Variants in TUSC3 observed in about 807,000 individuals in gnomAD.
TUSC3 encodes tumor suppressor candidate 3.
TUSC3 carries 45 observed loss-of-function variants against 44.8 expected under a neutral mutation model. That is an observed-to-expected ratio of 1.00 (90% CI 0.79 to 1.29). The LOEUF (loss-of-function observed/expected upper bound fraction) is 1.29, where lower values mean the gene tolerates loss of function less well. Among genes scored for constraint, TUSC3 ranks in the 50% most tolerant of loss-of-function variants. The probability of loss-of-function intolerance (pLI) is 0.00; values close to 1 mark genes in which losing one functional copy is unlikely to be tolerated. For synonymous variants in TUSC3, 212 were observed against 152.9 expected, an observed-to-expected ratio of 1.39 and a Z score of -2.85; for missense variants, 519 against 437.9, an observed-to-expected ratio of 1.19 and a Z score of -1.65.
At chr8:15,833,600 T>C in the TUSC3 span, among the ~76,000 whole-genome samples, 2 of 151,982 alleles carry the variant, frequency 1.3e-5, no homozygotes, top group Non-Finnish European at 2.9e-5. Context: ...GAAAACCAAA[T>C]ACCACACAGT....
intron 6 of TUSC3, among the ~76,000 whole-genome samples, chr8:15,690,163 A>G (rs997356484): frequency 6.6e-5 from 10 of 152,136 alleles, no homozygotes; most frequent in South Asian, 4.1e-4. Flanking sequence ...CTCTTCCACA[A>G]TCTCGCCAAA....
the TUSC3 span, among the ~76,000 whole-genome samples, chr8:15,814,797 C>T: frequency 2.6e-5 from 4 of 152,086 alleles, no homozygotes; most frequent in Admixed American, 2.0e-4. Context: ...ACCTACTGCA[C>T]AAAAATATTC....
intron 1 of TUSC3, among the ~76,000 whole-genome samples, chr8:15,612,362 A>T (rs1032166909): frequency 7.2e-5 from 11 of 152,204 alleles, no homozygotes; most frequent in Non-Finnish European, 1.0e-4. Context: ...AACAAGAAAG[A>T]GTAAAAAATA....
At chr8:15,571,099 G>T (rs184254958) in intron 1 of TUSC3, among the ~76,000 whole-genome samples, 1 of 151,338 alleles carries the variant, frequency 6.6e-6, no homozygotes, top group African/African-American at 2.4e-5. Context: ...GATTATAGGT[G>T]CCTGCCACCA....
At chr8:15,743,512 T>C (rs779558038) in intron 7 of TUSC3, 26 bp from the exon 8 acceptor site, 2 of 1,612,388 alleles carry the variant, frequency 1.2e-6, no homozygotes, top group South Asian at 2.2e-5. Context: ...CATCTATGTC[T>C]ACGGCTTCCT....
At chr8:15,739,073 C>T (rs559844610) in intron 7 of TUSC3, among the ~76,000 whole-genome samples, 5 of 151,800 alleles carry the variant, frequency 3.3e-5, no homozygotes, top group Non-Finnish European at 5.9e-5. Context: ...CCTTGTGATC[C>T]GCCTGCCTCA....
At chr8:15,797,464 C>G in the TUSC3 span, among the ~76,000 whole-genome samples, 1 of 152,134 alleles carries the variant, frequency 6.6e-6, no homozygotes, top group Non-Finnish European at 1.5e-5. Flanking sequence ...ACTTGGCAAG[C>G]AGTTCTTTTG....
chr8:15,448,117 A>ATATATATATATATATATATTTATT (rs1276079521), intron 1 of TUSC3, among the ~76,000 whole-genome samples: 1,275 of 93,738 alleles, frequency 0.014, 43 homozygotes, highest in South Asian at 0.042. Flanking sequence ...ACATATATAT[A>ATATATATATATATATATATTTATT]TATTTATTTA....
At chr8:15,744,538 C>T (rs897683802) in intron 8 of TUSC3, among the ~76,000 whole-genome samples, 19 of 151,840 alleles carry the variant, frequency 1.3e-4, no homozygotes, top group Non-Finnish European at 2.4e-4. Context: ...AATAAAAATC[C>T]AGACTTCATG....
At chr8:15,813,396 A>C in the TUSC3 span, among the ~76,000 whole-genome samples, 9 of 151,464 alleles carry the variant, frequency 5.9e-5, no homozygotes, top group Non-Finnish European at 1.2e-4. Context: ...AAACAAAAAA[A>C]AAAACAGGCA....
chr8:15,647,285 G>C (rs1806675081), intron 2 of TUSC3, among the ~76,000 whole-genome samples: 1 of 152,036 alleles, frequency 6.6e-6, no homozygotes, highest in Non-Finnish European at 1.5e-5. Flanking sequence ...GATAACCCCT[G>C]ACCCGCTCAA....
At chr8:15,638,969 C>T (rs573864400) in intron 2 of TUSC3, among the ~76,000 whole-genome samples, 10 of 126,292 alleles carry the variant, frequency 7.9e-5, no homozygotes, top group African/African-American at 1.2e-4. Context: ...GATCATGTGT[C>T]GATGCTAGAT....
At chr8:15,439,991 C>A (rs1281024549) in intron 1 of TUSC3, among the ~76,000 whole-genome samples, 1 of 152,148 alleles carries the variant, frequency 6.6e-6, no homozygotes, top group Non-Finnish European at 1.5e-5. Context: ...CCACTCTATA[C>A]CAGGCACAGG....
At chr8:15,561,572 C>T (rs1802463593) in intron 1 of TUSC3, 1 of 153,600 alleles carries the variant, frequency 6.5e-6, no homozygotes, top group Non-Finnish European at 1.4e-5. Flanking sequence ...CCTAATCAAG[C>T]CTGGGCAATG....
In TUSC3 at chr8:15,609,720, T is replaced by C. The variant is rs150915216; in HGVS notation, c.139-13360T>C. Among the ~76,000 whole-genome samples, 275 of 151,922 alleles carry C rather than the reference T, an allele frequency of 1.8e-3. 2 individuals carry two copies. The highest frequency in any genetic ancestry group is 4.4e-3 in the African/African-American group (184 of 41,460). ...AGGGTATTGTACTTAAGCAATTTTT[T>C]AGTGAAAAATTGTCAGGAGGACAAC... On this transcript the variant is annotated intron_variant, in intron 1 of 10. Coordinates refer to ENST00000503731, the MANE Select transcript of TUSC3 (RefSeq NM_006765.4).
rs780133841 is a variant in TUSC3 at position 15,765,224 on chromosome 8, A to T, written c.*1068A>T. On this transcript the variant is annotated 3_prime_UTR_variant, in exon 11 of 11. Coordinates refer to ENST00000503731, the MANE Select transcript of TUSC3 (RefSeq NM_006765.4). ...TTTATCTGACTCATAGAACTAATGG[A>T]AGCTGAAAGCCAAAAATAAAGTTTA... 1 of 152,060 alleles carries T rather than the reference A, an allele frequency of 6.6e-6. No homozygotes were observed. The highest frequency in any genetic ancestry group is 2.4e-5 in the African/African-American group (1 of 41,434). 9.4% of individuals were successfully genotyped at this position (152,060 alleles called of 1,614,324 possible). A position where few individuals can be genotyped will look rare whatever the true frequency, so the allele number is the denominator to read the frequency against.
chr8:15,793,563 T>A, the TUSC3 span, among the ~76,000 whole-genome samples: 1 of 152,154 alleles, frequency 6.6e-6, no homozygotes, highest in Non-Finnish European at 1.5e-5. Context: ...TGCCATTCAC[T>A]CTCTCTCTTG....
At position 15,623,155 on chromosome 8, in the gene TUSC3, A is replaced by G. The variant is rs1805327739; in HGVS notation, c.214A>G (p.Lys72Glu). The G allele has an allele frequency of 6.2e-7, 1 of 1,613,916 alleles. No homozygotes were observed. The change falls in exon 2 of 11, where the codon AAA becomes GAA. Residue 72 changes from lysine (K) to glutamate (E), a missense_variant. Lys to Glu is a moderately conservative substitution (Grantham distance 56). Coordinates refer to ENST00000503731, the MANE Select transcript of TUSC3 (RefSeq NM_006765.4). ...CTCAATCTTCCGAATGAATGGTGAT[A>G]AATTCCGAAAATTTATAAAGGCACC... is the stretch of plus-strand genomic sequence containing the variant. ...RRSIFRMNGDKFRKFIKAPPR... is the reference protein window; with the variant it reads ...RRSIFRMNGDEFRKFIKAPPR...
chr8:15,593,063 T>C (rs1458721148), intron 1 of TUSC3, among the ~76,000 whole-genome samples: 7 of 152,124 alleles, frequency 4.6e-5, no homozygotes. Flanking sequence ...ATAAACTCTT[T>C]ATTATATATT....
Sources: allele counts gnomAD v4.1 joint callset (sites outside exome capture counted in the v4.1 genomes callset), GRCh38; gene constraint gnomAD v4.1.1; transcripts MANE v1.5; gene names NCBI Gene and HGNC (gene_info 2026-07-23, HGNC 2026-07-21).